SPATA13: variants seen among roughly 807,000 people sequenced by gnomAD.
SPATA13 encodes the protein spermatogenesis-associated protein 13.
SPATA13 carries 50 observed loss-of-function variants against 104.0 expected under a neutral mutation model. That is an observed-to-expected ratio of 0.48 (90% CI 0.38 to 0.61). The LOEUF (loss-of-function observed/expected upper bound fraction) is 0.61, where lower values mean the gene tolerates loss of function less well. Ranked by LOEUF, SPATA13 falls within the 20% of genes least tolerant of loss-of-function variation. The probability of loss-of-function intolerance (pLI) is 0.00; values close to 1 mark genes in which losing one functional copy is unlikely to be tolerated. For missense variants in SPATA13, 1,524 were observed against 1,690.6 expected (o/e 0.90, Z 1.73); for synonymous variants, 606 against 667.5 (o/e 0.91, Z 1.42).
intron 1 of SPATA13, among the ~76,000 whole-genome samples, chr13:24,219,482 T>C (rs1268599273): frequency 6.6e-6 from 1 of 152,256 alleles, no homozygotes; most frequent in Non-Finnish European, 1.5e-5. Context: ...CATAGTGGGT[T>C]GTAACAACTT....
chr13:24,238,960 G>T (rs1159926578), intron 2 of SPATA13, among the ~76,000 whole-genome samples: 1 of 152,190 alleles, frequency 6.6e-6, no homozygotes, highest in Non-Finnish European at 1.5e-5. Context: ...TCCTGTGCGG[G>T]CAGTCCATGT....
At chr13:24,000,778 G>A (rs1006112861) in intron 2 of SPATA13, among the ~76,000 whole-genome samples, 1 of 151,940 alleles carries the variant, frequency 6.6e-6, no homozygotes, top group Non-Finnish European at 1.5e-5. Flanking sequence ...CTAGACATTT[G>A]AATTCTGGAG....
rs762296887 is a variant in SPATA13 at position 24,284,197 on chromosome 13, T to A, written c.2227T>A (p.Phe743Ile). ...GGATGACAACGGTAGTGAGGAGGAC[T>A]TCAGCTATGAAGACCTCTGCCAGGC... is the stretch of plus-strand genomic sequence containing the variant. ...LVDDNGSEED[F>I]SYEDLCQASP... The change falls in exon 5 of 13, where the codon TTC (phenylalanine) becomes ATC (isoleucine). Residue 743 changes from phenylalanine (F) to isoleucine (I), a missense_variant. By Grantham distance (21) the Phe-to-Ile change is conservative (BLOSUM62 0). Coordinates refer to ENST00000382108, the MANE Select transcript of SPATA13 (RefSeq NM_001166271.3). 1 of 1,613,932 alleles carries A rather than the reference T, an allele frequency of 6.2e-7. No individual in the cohort carries two copies. Among genetic ancestry groups the A allele is most frequent in the African/African-American group, 1.3e-5 (1 of 75,040 alleles).
At chr13:24,181,761 C>CTTT (rs374662974) in intron 1 of SPATA13, among the ~76,000 whole-genome samples, 99,427 of 144,876 alleles carry the variant, frequency 0.69, 35,105 homozygotes, top group Non-Finnish European at 0.79. Context: ...TTACAGTTGA[C>CTTT]TTTTTTTTTT....
chr13:24,021,365 C>T (rs1876965369), intron 3 of SPATA13, among the ~76,000 whole-genome samples: 1 of 152,206 alleles, frequency 6.6e-6, no homozygotes, highest in South Asian at 2.1e-4. Flanking sequence ...CAGTGAGTTG[C>T]ACCTGTAGTC....
Position 24,011,885 on chromosome 13 carries a change from C to A in SPATA13, c.-146-5782C>A, listed in dbSNP as rs1479106797. On this transcript the variant is annotated intron_variant, in intron 2 of 14. Transcript: ENST00000424834. The surrounding 1 kb of genome is among the most constrained non-coding windows in gnomAD (Gnocchi z 4.3). ...GACCATGAGGGATGATCCCACAGAC[C>A]CAGAATGCTCAGCCTTCTTCTTTAA... Among the ~76,000 whole-genome samples the A allele has an allele frequency of 6.8e-6, 1 of 146,428 alleles. No individual in the cohort carries two copies. Among genetic ancestry groups the A allele is most frequent in the Non-Finnish European group, 1.6e-5 (1 of 64,480 alleles).
In SPATA13 at chr13:24,011,982, C is replaced by T. The variant is rs193113788; in HGVS notation, c.-146-5685C>T. On this transcript the variant is annotated intron_variant, in intron 2 of 14. Transcript: ENST00000424834. The surrounding 1 kb of genome is among the most constrained non-coding windows in gnomAD (Gnocchi z 4.3). ...TTGTAAAACTCACAGGCACAGGGAC[C>T]GGGGCTTGCCCACCACCCTAAACAA... Among the ~76,000 whole-genome samples, 17 of 152,342 alleles carry T rather than the reference C, an allele frequency of 1.1e-4. No homozygotes were observed. The highest frequency in any genetic ancestry group is 6.2e-4 in the South Asian group (3 of 4,832).
At chr13:24,073,936 CAATAA>C (rs1879245501) in intron 3 of SPATA13, among the ~76,000 whole-genome samples, 1 of 152,236 alleles carries the variant, frequency 6.6e-6, no homozygotes, top group African/African-American at 2.4e-5. Context: ...TTGCACACCA[CAATAA>C]ACTTTGCTGC....
chr13:24,019,747 A>G (rs1360255681), intron 3 of SPATA13, among the ~76,000 whole-genome samples: 3 of 152,222 alleles, frequency 2.0e-5, no homozygotes, highest in African/African-American at 7.2e-5. Flanking sequence ...ACTCGTTGGA[A>G]TCCTAGGCAG....
At chr13:23,981,335 G>A (rs913626628) in intron 1 of SPATA13, among the ~76,000 whole-genome samples, 3 of 152,096 alleles carry the variant, frequency 2.0e-5, no homozygotes, top group Non-Finnish European at 4.4e-5. Context: ...AGCTACAATA[G>A]TACTTCTATT....
intron 3 of SPATA13, among the ~76,000 whole-genome samples, chr13:24,103,484 C>CAAAAAAA (rs34983901): frequency 1.2e-3 from 81 of 69,818 alleles, no homozygotes; most frequent in African/African-American, 4.1e-3. Context: ...GACCCTGTCT[C>CAAAAAAA]AAAAAAAAAA....
At chr13:24,149,837 G>C (rs1488498764) in intron 3 of SPATA13, among the ~76,000 whole-genome samples, 2 of 152,228 alleles carry the variant, frequency 1.3e-5, no homozygotes, top group African/African-American at 2.4e-5. Flanking sequence ...GGTTGTGTGG[G>C]TGCTGAGGCC....
intron 3 of SPATA13, among the ~76,000 whole-genome samples, chr13:24,138,126 C>T (rs369392629): frequency 3.8e-4 from 57 of 149,952 alleles, no homozygotes; most frequent in African/African-American, 1.4e-3. Context: ...ATGGTGAAAC[C>T]CCATCTCTTC....
intron 4 of SPATA13, among the ~76,000 whole-genome samples, chr13:24,276,966 A>G (rs184676271): frequency 2.0e-5 from 3 of 152,324 alleles, no homozygotes; most frequent in African/African-American, 7.2e-5. Flanking sequence ...GCAAATTGCT[A>G]TTTCCCCATC....
At chr13:24,185,096 G>C (rs1202096556) in intron 1 of SPATA13, among the ~76,000 whole-genome samples, 3 of 152,132 alleles carry the variant, frequency 2.0e-5, no homozygotes, top group Non-Finnish European at 4.4e-5. Flanking sequence ...TTGCCAGTTC[G>C]GGCATTTCCC....
At chr13:24,103,329 G>T (rs140720484) in intron 3 of SPATA13, among the ~76,000 whole-genome samples, 2 of 151,738 alleles carry the variant, frequency 1.3e-5, no homozygotes, top group Non-Finnish European at 2.9e-5. Flanking sequence ...GTCCTATCAT[G>T]TACAGTATAG....
chr13:24,069,597 A>G (rs1373152557), intron 3 of SPATA13, among the ~76,000 whole-genome samples: 3 of 152,136 alleles, frequency 2.0e-5, no homozygotes, highest in Admixed American at 1.3e-4. Context: ...CCCTATGTGG[A>G]TGCCCTTTAT....
At position 24,297,439 on chromosome 13, in the gene SPATA13, G is replaced by C. The variant is rs758392859; in HGVS notation, c.3287G>C (p.Ser1096Thr). The C allele has an allele frequency of 2.5e-6, 4 of 1,614,040 alleles. No homozygotes were observed. Among genetic ancestry groups the C allele is most frequent in the Non-Finnish European group, 3.4e-6 (4 of 1,180,038 alleles). Residue 1096 changes from serine to threonine, a missense_variant, in exon 11 of 13, where the codon AGC becomes ACC. By Grantham distance (58) the Ser-to-Thr change is moderately conservative. Transcript: ENST00000382108. ...ELTKITKQGK[S>T]QQRTFFLFDH... ...ACCAAAATCACTAAGCAAGGCAAAA[G>C]CCAGCAGCGGACGTTCTTCCTGTTT...
chr13:24,105,366 T>G (rs1880406405), intron 3 of SPATA13, among the ~76,000 whole-genome samples: 1 of 151,962 alleles, frequency 6.6e-6, no homozygotes, highest in Non-Finnish European at 1.5e-5. Context: ...CTCAAACTCC[T>G]GGGCTCAAGT....
Sources: allele counts gnomAD v4.1 joint callset (sites outside exome capture counted in the v4.1 genomes callset), GRCh38; gene constraint gnomAD v4.1.1; non-coding constraint Gnocchi (gnomAD v3.1); transcripts MANE v1.5; gene names NCBI Gene and HGNC (gene_info 2026-07-23, HGNC 2026-07-21).